Variants in PRICKLE2 observed in about 807,000 individuals in gnomAD.
The protein encoded by PRICKLE2 is prickle-like protein 2.
In PRICKLE2, 21 loss-of-function variants were observed where a neutral mutation model predicts 81.4. The ratio of observed to expected loss-of-function variants is 0.26; its 90% CI spans 0.18 to 0.37. PRICKLE2 has a LOEUF of 0.37. Among genes scored for constraint, PRICKLE2 ranks in the 10% least tolerant of loss-of-function variants. The pLI is 1.00. For synonymous variants in PRICKLE2, 456 were observed against 421.5 expected, an observed-to-expected ratio of 1.08 and a Z score of -1.00; for missense variants, 940 against 1,109.0, an observed-to-expected ratio of 0.85 and a Z score of 2.16.
chr3:64,128,463 T>C (rs1203557214), intron 7 of PRICKLE2, among the ~76,000 whole-genome samples: 1 of 151,952 alleles, frequency 6.6e-6, no homozygotes, highest in Non-Finnish European at 1.5e-5. Flanking sequence ...AAAAAGCGTA[T>C]TTGGCCAGGT....
intron 7 of PRICKLE2, among the ~76,000 whole-genome samples, chr3:64,120,421 C>T (rs1276045664): frequency 6.6e-6 from 1 of 152,064 alleles, no homozygotes; most frequent in Non-Finnish European, 1.5e-5. Flanking sequence ...AGATAAGGAA[C>T]TGAAAACAGA....
chr3:64,202,318 A>T (rs1366899210), intron 1 of PRICKLE2, among the ~76,000 whole-genome samples: 1 of 152,182 alleles, frequency 6.6e-6, no homozygotes, highest in Non-Finnish European at 1.5e-5. Context: ...AGATACACTG[A>T]CTTTGTAGAT....
intron 7 of PRICKLE2, among the ~76,000 whole-genome samples, chr3:64,133,225 T>C (rs989969201): frequency 7.2e-5 from 11 of 152,166 alleles, no homozygotes; most frequent in African/African-American, 2.4e-4. Flanking sequence ...AACTCCTGAA[T>C]AGAAAGAGAG....
At chr3:64,241,570 A>C (rs919241857) in intron 2 of PRICKLE2, among the ~76,000 whole-genome samples, 1 of 152,082 alleles carries the variant, frequency 6.6e-6, no homozygotes, top group Non-Finnish European at 1.5e-5. Context: ...CCTCATCTCA[A>C]TTGTCTCTAA....
intron 2 of PRICKLE2, among the ~76,000 whole-genome samples, chr3:64,182,344 G>A (rs532786473): frequency 6.6e-6 from 1 of 151,992 alleles, no homozygotes. Context: ...AAAAGTAGCT[G>A]GGAGTGGTTG....
At chr3:64,266,209 A>C (rs1256094951) in intron 2 of PRICKLE2, among the ~76,000 whole-genome samples, 4 of 152,162 alleles carry the variant, frequency 2.6e-5, no homozygotes, top group Non-Finnish European at 5.9e-5. Flanking sequence ...AAGAAAAAAA[A>C]AAAAGCTAAA....
intron 7 of PRICKLE2, among the ~76,000 whole-genome samples, chr3:64,116,530 C>A (rs1559517948): frequency 6.6e-6 from 1 of 152,104 alleles, no homozygotes; most frequent in Non-Finnish European, 1.5e-5. Flanking sequence ...ACTTACCCTA[C>A]AGAAATATAA....
intron 2 of PRICKLE2, among the ~76,000 whole-genome samples, chr3:64,177,623 A>C (rs1469122248): frequency 6.6e-6 from 1 of 152,124 alleles, no homozygotes; most frequent in African/African-American, 2.4e-5. Flanking sequence ...GTCTGTCTCT[A>C]TGAGTCTGCC....
At chr3:64,245,646 A>G (rs1436892376) in intron 2 of PRICKLE2, among the ~76,000 whole-genome samples, 1 of 152,190 alleles carries the variant, frequency 6.6e-6, no homozygotes, top group Non-Finnish European at 1.5e-5. Flanking sequence ...CCAACCATTC[A>G]AATCCAGAGA....
intron 5 of PRICKLE2, 147 bp downstream of exon 5, chr3:64,157,015 G>A: frequency 2.6e-6 from 2 of 757,990 alleles, no homozygotes; most frequent in Non-Finnish European, 4.7e-6. Context: ...AACCAGGGAT[G>A]GGTGGGGCTT....
intron 1 of PRICKLE2, among the ~76,000 whole-genome samples, chr3:64,213,100 G>T (rs1184049086): frequency 7.0e-6 from 1 of 141,882 alleles, no homozygotes; most frequent in African/African-American, 2.6e-5. Flanking sequence ...TTTTGAGATG[G>T]AATTTTTCTT....
At chr3:64,227,846 C>T (rs371916010), upstream of PRICKLE2, among the ~76,000 whole-genome samples, 12 of 152,160 alleles carry the variant, frequency 7.9e-5, no homozygotes, top group Admixed American at 2.0e-4. Flanking sequence ...TTAACTTCAG[C>T]GCAAATTAGT....
intron 2 of PRICKLE2, among the ~76,000 whole-genome samples, chr3:64,236,832 C>T (rs1458524762): frequency 5.3e-5 from 8 of 152,216 alleles, no homozygotes; most frequent in Non-Finnish European, 8.8e-5. Flanking sequence ...GTATTATCTT[C>T]ACAAAGCACT....
At chr3:64,239,012 C>T (rs888877697) in intron 2 of PRICKLE2, among the ~76,000 whole-genome samples, 1 of 152,106 alleles carries the variant, frequency 6.6e-6, no homozygotes. Context: ...CCCTGAGATG[C>T]CACAGCAAGC....
At chr3:64,106,029 A>C (rs1428855505) in intron 7 of PRICKLE2, 1 of 152,234 alleles carries the variant, frequency 6.6e-6, no homozygotes, top group Non-Finnish European at 1.5e-5. Flanking sequence ...CAGCTCCAAG[A>C]GGGCAGAAAC....
At position 64,225,394 on chromosome 3, in the gene PRICKLE2, T is replaced by G. The variant is rs954221819; in HGVS notation, c.-525A>C. Reference sequence around the variant, plus strand: ...GCTCAAGCCACTGAACCAGGAAATGTGCTGCTTGGTCAAAAAATAATAATA... The same window carrying G: ...GCTCAAGCCACTGAACCAGGAAATGGGCTGCTTGGTCAAAAAATAATAATA... On this transcript the variant is annotated 5_prime_UTR_variant, in exon 1 of 8. Coordinates refer to ENST00000638394, the MANE Select transcript of PRICKLE2 (RefSeq NM_198859.4). 5.1e-6 allele frequency: 5 copies of G among 985,208 alleles called. No individual in the cohort carries two copies. The highest frequency in any genetic ancestry group is 6.0e-6 in the Non-Finnish European group (5 of 829,976). 61.0% of individuals were successfully genotyped at this position (985,208 alleles called of 1,614,324 possible).
At chr3:64,235,618 T>A (rs1427411931) in intron 2 of PRICKLE2, among the ~76,000 whole-genome samples, 2 of 152,170 alleles carry the variant, frequency 1.3e-5, no homozygotes, top group Non-Finnish European at 2.9e-5. Context: ...CCTGGCAGTG[T>A]GCAGCTTCTG....
chr3:64,163,188 C>T, intron 2 of PRICKLE2, 59 bp from the exon 3 acceptor site: 2 of 999,772 alleles, frequency 2.0e-6, no homozygotes, highest in East Asian at 2.4e-5. Flanking sequence ...TGCCTATTCC[C>T]ACTTACTGGG....
intron 2 of PRICKLE2, among the ~76,000 whole-genome samples, chr3:64,176,409 T>C: frequency 6.6e-6 from 1 of 152,212 alleles, no homozygotes; most frequent in East Asian, 1.9e-4. Context: ...ACTTCACATA[T>C]GACATAATTA....
Sources: gnomAD v4.1 joint callset for allele counts (sites outside exome capture counted in the v4.1 genomes callset) on GRCh38, gnomAD v4.1.1 for gene constraint, MANE v1.5 for transcripts, NCBI Gene and HGNC (gene_info 2026-07-23, HGNC 2026-07-21) for gene names.